LRRC4C: variants seen among roughly 807,000 people sequenced by gnomAD.
LRRC4C encodes leucine rich repeat containing 4C, also known as leucine-rich repeat-containing protein 4C.
LRRC4C carries 5 observed loss-of-function variants against 33.6 expected under a neutral mutation model. The ratio of observed to expected loss-of-function variants is 0.15; its 90% confidence interval spans 0.08 to 0.31. The LOEUF is 0.31. LRRC4C is among the 10% of genes least tolerant of loss of function. The probability of loss-of-function intolerance (pLI) is 1.00; values close to 1 mark genes in which losing one functional copy is unlikely to be tolerated. For synonymous variants in LRRC4C, 329 were observed against 302.0 expected (o/e 1.09, Z -0.93); for missense variants, 560 against 796.7 (o/e 0.70, Z 3.58).
chr11:41,427,959 A>T (rs910791618), intron 1 of LRRC4C, among the ~76,000 whole-genome samples: 2 of 151,090 alleles, frequency 1.3e-5, no homozygotes, highest in Admixed American at 1.3e-4. Flanking sequence ...ACCCCCTTTG[A>T]CTGTAATTTT....
Position 41,276,337 on chromosome 11 carries a change from TC to T in LRRC4C, c.-496+183093del, listed in dbSNP as rs554178560. On this transcript the variant is annotated intron_variant, in intron 1 of 6. Coordinates refer to ENST00000528697, the MANE Select transcript of LRRC4C (RefSeq NM_001258419.2). ...CAGGACAGCCAGCCTGTGTTTTAGC[TC>T]CTTGAACATGCCCATCCTGTTTTTA... Among the ~76,000 whole-genome samples the T allele has an allele frequency of 1.9e-3, 287 of 152,242 alleles. 1 individual carries two copies. Among genetic ancestry groups the T allele is most frequent in the African/African-American group, 6.5e-3 (271 of 41,556 alleles).
intron 3 of LRRC4C, among the ~76,000 whole-genome samples, chr11:40,563,539 C>A (rs940089830): frequency 6.6e-6 from 1 of 152,080 alleles, no homozygotes; most frequent in Non-Finnish European, 1.5e-5. Flanking sequence ...AAGTAAGGGT[C>A]AGAGGGTCTT....
rs371314051 is a variant in LRRC4C, at chr11:40,403,562, T to C, written c.-269-83841A>G. On this transcript the variant is annotated intron_variant, in intron 3 of 6. Transcript: ENST00000528697. Reference sequence around the variant, plus strand: ...ATTAACATAAGGACAAGGTGGTCTATGAAAATTGGACAATCAGTGACAAAT... The same window carrying C: ...ATTAACATAAGGACAAGGTGGTCTACGAAAATTGGACAATCAGTGACAAAT... Among the ~76,000 whole-genome samples the C allele has an allele frequency of 1.8e-4, 28 of 152,202 alleles. 1 individual carries two copies. The South Asian group carries it at 5.2e-3, about 28-fold the overall frequency.
chr11:40,906,403 C>T (rs995495730), intron 2 of LRRC4C, among the ~76,000 whole-genome samples: 21 of 152,036 alleles, frequency 1.4e-4, no homozygotes, highest in African/African-American at 5.1e-4. Context: ...CCCAGCTACT[C>T]GGGAGGCTGA....
chr11:40,308,221 C>T (rs780351541), intron 4 of LRRC4C, among the ~76,000 whole-genome samples: 2 of 152,100 alleles, frequency 1.3e-5, no homozygotes, highest in Admixed American at 6.6e-5. Context: ...CAGTTGTTTG[C>T]TATGGCAGGT....
chr11:41,457,843 T>C (rs1956217073), intron 1 of LRRC4C, among the ~76,000 whole-genome samples: 1 of 152,118 alleles, frequency 6.6e-6, no homozygotes, highest in Non-Finnish European at 1.5e-5. Flanking sequence ...CTCACAGTTG[T>C]CCTCTTTTAC....
intron 5 of LRRC4C, among the ~76,000 whole-genome samples, chr11:40,238,584 CA>C (rs1380202979): frequency 6.6e-6 from 1 of 152,114 alleles, no homozygotes; most frequent in Non-Finnish European, 1.5e-5. Context: ...TCTTTATGAC[CA>C]GCCAATACTC....
intron 2 of LRRC4C, among the ~76,000 whole-genome samples, chr11:40,882,401 A>G (rs1273115982): frequency 6.6e-6 from 1 of 152,128 alleles, no homozygotes; most frequent in East Asian, 1.9e-4. Flanking sequence ...AAACTGCAAC[A>G]TATGGTCACA....
At chr11:40,880,539 AAATG>A (rs1299160403) in intron 2 of LRRC4C, among the ~76,000 whole-genome samples, 11 of 35,974 alleles carry the variant, frequency 3.1e-4, no homozygotes, top group Non-Finnish European at 6.2e-4. Context: ...TAAGATTTTT[AAATG>A]AAAAAAAAAA....
At chr11:40,821,272 T>G (rs1951916447) in intron 2 of LRRC4C, among the ~76,000 whole-genome samples, 1 of 151,678 alleles carries the variant, frequency 6.6e-6, no homozygotes, top group African/African-American at 2.4e-5. Context: ...CATGCACTAT[T>G]TTTTGGGGAA....
At chr11:40,406,369 C>A (rs1438243955) in intron 3 of LRRC4C, among the ~76,000 whole-genome samples, 1 of 152,026 alleles carries the variant, frequency 6.6e-6, no homozygotes, top group Non-Finnish European at 1.5e-5. Flanking sequence ...CTCATTCTGT[C>A]AAAGCACAAA....
At chr11:40,825,959 A>C in intron 2 of LRRC4C, among the ~76,000 whole-genome samples, 1 of 144,646 alleles carries the variant, frequency 6.9e-6, no homozygotes, top group African/African-American at 2.6e-5. Context: ...GGCGTCTCAC[A>C]TATATTCAAT....
intron 4 of LRRC4C, among the ~76,000 whole-genome samples, chr11:40,247,608 C>T (rs1456086909): frequency 6.6e-6 from 1 of 152,102 alleles, no homozygotes; most frequent in Non-Finnish European, 1.5e-5. Context: ...AGCCTACACT[C>T]CAGGTCATTG....
intron 5 of LRRC4C, among the ~76,000 whole-genome samples, chr11:40,202,971 A>AT (rs1862875382): frequency 1.3e-5 from 2 of 152,210 alleles, no homozygotes; most frequent in Non-Finnish European, 2.9e-5. Context: ...TCATCTATTT[A>AT]CTTTTTTTTG....
chr11:40,989,517 CA>C (rs538914429), intron 1 of LRRC4C, among the ~76,000 whole-genome samples: 2 of 151,826 alleles, frequency 1.3e-5, no homozygotes, highest in Non-Finnish European at 2.9e-5. Flanking sequence ...TGTTCCACCG[CA>C]AAAAAATTAG....
At chr11:40,142,300 A>C (rs1565044645) in intron 5 of LRRC4C, among the ~76,000 whole-genome samples, 1 of 151,384 alleles carries the variant, frequency 6.6e-6, no homozygotes, top group African/African-American at 2.4e-5. Flanking sequence ...AAAAAAAAAA[A>C]AAAACCTCGA....
At chr11:40,979,168 C>T (rs1024244444) in intron 1 of LRRC4C, among the ~76,000 whole-genome samples, 1 of 152,040 alleles carries the variant, frequency 6.6e-6, no homozygotes, top group African/African-American at 2.4e-5. Context: ...GAGATTTGTT[C>T]CTTTTGCCAT....
intron 2 of LRRC4C, among the ~76,000 whole-genome samples, chr11:40,806,839 T>C (rs1159763581): frequency 6.6e-6 from 1 of 152,162 alleles, no homozygotes; most frequent in Non-Finnish European, 1.5e-5. Context: ...GAAAGGCATA[T>C]TCCTGATGTC....
At chr11:41,210,904 T>C (rs903905386) in intron 1 of LRRC4C, among the ~76,000 whole-genome samples, 7 of 152,132 alleles carry the variant, frequency 4.6e-5, no homozygotes, top group African/African-American at 1.4e-4. Context: ...CCTCAGATCA[T>C]TGGGCATTAG....
Sources: allele counts gnomAD v4.1 joint callset (sites outside exome capture counted in the v4.1 genomes callset), GRCh38; gene constraint gnomAD v4.1.1; transcripts MANE v1.5; gene names NCBI Gene and HGNC (gene_info 2026-07-23, HGNC 2026-07-21).